BRD7: variants seen among roughly 807,000 people sequenced by gnomAD.
BRD7 encodes the protein bromodomain-containing protein 7.
A neutral mutation model predicts 82.1 loss-of-function variants in BRD7; 15 were observed. The ratio of observed to expected loss-of-function variants is 0.18; its 90% CI spans 0.12 to 0.28. The LOEUF (loss-of-function observed/expected upper bound fraction) is 0.28. Ranked by LOEUF, BRD7 falls within the 10% of genes least tolerant of loss-of-function variation. BRD7 has a pLI of 1.00. For missense variants in BRD7, 638 were observed against 779.9 expected, an observed-to-expected ratio of 0.82 and a Z score of 2.17; for synonymous variants, 232 against 266.9, an observed-to-expected ratio of 0.87 and a Z score of 1.27.
chr16:50,319,603 C>A, intron 16 of BRD7, among the ~76,000 whole-genome samples: 1 of 151,200 alleles, frequency 6.6e-6, no homozygotes, highest in African/African-American at 2.4e-5. Flanking sequence ...GGGAAAAAAC[C>A]CAATTAAAAA....
chr16:50,366,498 A>G (rs1361299276), intron 2 of BRD7, among the ~76,000 whole-genome samples: 1 of 152,268 alleles, frequency 6.6e-6, no homozygotes, highest in Non-Finnish European at 1.5e-5. Flanking sequence ...ACTAGTTAAG[A>G]TCAGATCTAT....
chr16:50,347,176 T>C (rs1312121041), intron 5 of BRD7, among the ~76,000 whole-genome samples: 6 of 152,186 alleles, frequency 3.9e-5, no homozygotes, highest in East Asian at 3.8e-4. Context: ...ATTATCTCAA[T>C]AGATGCAGAA....
chr16:50,363,643 G>GTATA (rs35177593), intron 2 of BRD7, among the ~76,000 whole-genome samples: 2 of 66,882 alleles, frequency 3.0e-5, no homozygotes, highest in East Asian at 5.4e-4. Context: ...TTGTGTGTTT[G>GTATA]TGTGTGTGTG....
In BRD7 at chr16:50,350,054, T is replaced by G. The variant is rs765364880; in HGVS notation, c.560A>C (p.Asn187Thr). The G allele has an allele frequency of 6.2e-7, 1 of 1,603,572 alleles. No individual in the cohort carries two copies. Among genetic ancestry groups the G allele is most frequent in the Admixed American group, 1.7e-5 (1 of 58,340 alleles). ...TTCTTCTATGGACTGATAGTCATTG[T>G]TCTTGATCTTTTCTTTCATGGTACT... is the stretch of plus-strand genomic sequence containing the variant. ...DFSTMKEKIK[N>T]NDYQSIEELK... The change falls in exon 5 of 17, where the codon AAC (asparagine) becomes ACC (threonine). Residue 187 changes from asparagine (N) to threonine (T), a missense_variant. Transcript: ENST00000394688.
At position 50,321,498 on chromosome 16, in the gene BRD7, C is replaced by T. The variant is rs1222205648; in HGVS notation, c.1500+484G>A. Among the ~76,000 whole-genome samples, 3 of 127,688 alleles carry T rather than the reference C, an allele frequency of 2.3e-5. No homozygotes were observed. In the East Asian group the frequency reaches 7.7e-4, roughly 33 times the overall value. 83.8% of individuals were successfully genotyped at this position (127,688 alleles called of 152,430 possible). A position where few individuals can be genotyped will look rare whatever the true frequency, so the allele number is the denominator to read the frequency against. ...AAGAGAACTGCTTGAACCCAGGAGGCGGAGGTTGTAGTGAGCCGAGATTGT... is the reference window on the plus strand; with the variant it reads ...AAGAGAACTGCTTGAACCCAGGAGGTGGAGGTTGTAGTGAGCCGAGATTGT... On this transcript the variant is annotated intron_variant, in intron 13 of 16. Transcript: ENST00000394688.
At chr16:50,343,849 G>T (rs373505951) in intron 5 of BRD7, among the ~76,000 whole-genome samples, 82 of 152,228 alleles carry the variant, frequency 5.4e-4, no homozygotes, top group African/African-American at 1.9e-3. Context: ...GGGCATAGCT[G>T]AACAAAAGGC....
At chr16:50,347,105 T>C (rs2038316365) in intron 5 of BRD7, among the ~76,000 whole-genome samples, 1 of 152,168 alleles carries the variant, frequency 6.6e-6, no homozygotes, top group South Asian at 2.1e-4. Flanking sequence ...GCTGGTTCAA[T>C]ATATGCAAAT....
At position 50,325,902 on chromosome 16, in the gene BRD7, A is replaced by C; in HGVS notation, c.1196-19T>G. 6.4e-7 allele frequency: 1 copy of C among 1,570,038 alleles called. No homozygotes were observed. Among genetic ancestry groups the C allele is most frequent in the South Asian group, 1.2e-5 (1 of 84,014 alleles). On this transcript the variant is annotated intron_variant, in intron 10 of 16. Transcript: ENST00000394688. ...TATAACACTGTTGAAAAAATCAAAT[A>C]CTGTAACACTATTCTTTAACTTGCA...
At chr16:50,345,909 C>T (rs1374382069) in intron 5 of BRD7, among the ~76,000 whole-genome samples, 1 of 152,144 alleles carries the variant, frequency 6.6e-6, no homozygotes, top group Non-Finnish European at 1.5e-5. Flanking sequence ...CAGCTCTGCA[C>T]CAAGCAGACC....
chr16:50,330,836 A>G (rs1484978694), intron 8 of BRD7, among the ~76,000 whole-genome samples: 1 of 152,314 alleles, frequency 6.6e-6, no homozygotes, highest in Non-Finnish European at 1.5e-5. Context: ...TTTAAATCTT[A>G]AAGTCATGTT....
intron 15 of BRD7, 44 bp downstream of exon 15, chr16:50,320,204 T>C (rs1431005907): frequency 6.3e-7 from 1 of 1,576,408 alleles, no homozygotes. Context: ...AGTTTTTTCT[T>C]TGAAGCATCC....
intron 5 of BRD7, among the ~76,000 whole-genome samples, chr16:50,341,573 G>A (rs559094766): frequency 3.3e-5 from 5 of 150,566 alleles, no homozygotes; most frequent in South Asian, 4.2e-4. Flanking sequence ...AACCCTGAAC[G>A]TGGAGGTTGC....
At chr16:50,334,584 T>G (rs980865450) in intron 7 of BRD7, 127 bp downstream of exon 7, 14 of 1,120,008 alleles carry the variant, frequency 1.2e-5, no homozygotes, top group Non-Finnish European at 1.8e-5. Flanking sequence ...TGGACTTTCA[T>G]GCCAAAACAC....
At position 50,354,673 on chromosome 16, in the gene BRD7, G is replaced by C. The variant is rs2038664851; in HGVS notation, c.388+120C>G. On this transcript the variant is annotated intron_variant, in intron 3 of 16. Coordinates refer to ENST00000394688, the MANE Select transcript of BRD7 (RefSeq NM_013263.5). ...TTTAAAGCTCTTATGCAGTTTGAGAGAAAAAACTTAAAAATTCAATCACAA... is the reference window on the plus strand; with the variant it reads ...TTTAAAGCTCTTATGCAGTTTGAGACAAAAAACTTAAAAATTCAATCACAA... The C allele has an allele frequency of 4.3e-6, 6 of 1,394,066 alleles. No homozygotes were observed. The African/African-American group carries it at 8.7e-5, about 20-fold the overall frequency. 86.4% of individuals were successfully genotyped at this position (1,394,066 alleles called of 1,614,324 possible).
At chr16:50,320,123 CAAAACAAAA>C in intron 15 of BRD7, 93 bp from the exon 16 acceptor site, 2 of 1,494,192 alleles carry the variant, frequency 1.3e-6, no homozygotes, top group East Asian at 2.3e-5. Context: ...GCAAAGAAAA[CAAAACAAAA>C]AAACTGTCCC....
intron 4 of BRD7, among the ~76,000 whole-genome samples, chr16:50,351,889 A>G (rs1047121705): frequency 1.4e-5 from 2 of 147,812 alleles, no homozygotes; most frequent in African/African-American, 5.1e-5. Context: ...GGTAATTAGC[A>G]TATTTATCAC....
chr16:50,333,801 G>T, intron 7 of BRD7, 104 bp from the exon 8 acceptor site: 1 of 989,002 alleles, frequency 1.0e-6, no homozygotes, highest in Non-Finnish European at 1.5e-6. Flanking sequence ...GGAGACATTT[G>T]TACTACAGTC....
intron 2 of BRD7, among the ~76,000 whole-genome samples, chr16:50,358,436 C>T (rs185781387): frequency 8.1e-4 from 119 of 146,620 alleles, no homozygotes; most frequent in Admixed American, 2.4e-3. Context: ...GTGGAGGTTG[C>T]GGTAAGTCGA....
At position 50,316,893 on chromosome 16, in the gene BRD7, C is replaced by T. The variant is rs750899043; in HGVS notation, c.*2318G>A. Reference sequence around the variant, plus strand: ...TTCCCTACATAGCAGGGATTCTTAGCTAGGTGTCCCCATGAACCCCGTAAA... The same window carrying T: ...TTCCCTACATAGCAGGGATTCTTAGTTAGGTGTCCCCATGAACCCCGTAAA... On this transcript the variant is annotated 3_prime_UTR_variant, in exon 17 of 17. Coordinates refer to ENST00000394688, the MANE Select transcript of BRD7 (RefSeq NM_013263.5). 5.9e-5 allele frequency: 9 copies of T among 152,366 alleles called. No homozygotes were observed. Among genetic ancestry groups the T allele is most frequent in the African/African-American group, 1.9e-4 (8 of 41,410 alleles). The allele number at this position is 152,366 out of a possible 1,614,324, so 9.4% of individuals were successfully genotyped here.
Sources: allele counts gnomAD v4.1 joint callset (sites outside exome capture counted in the v4.1 genomes callset), GRCh38; gene constraint gnomAD v4.1.1; transcripts MANE v1.5; gene names NCBI Gene and HGNC (gene_info 2026-07-23, HGNC 2026-07-21).